The following LAMA2 variants were observed in gnomAD, a reference collection of about 807,000 sequenced individuals.
The protein encoded by LAMA2 is laminin subunit alpha-2.
In LAMA2, 269 loss-of-function variants were observed where a neutral mutation model predicts 364.8. The observed-to-expected ratio is 0.74, with a 90% CI of 0.67 to 0.82. The LOEUF (loss-of-function observed/expected upper bound fraction) is 0.82. LAMA2 is among the 40% of genes least tolerant of loss of function. The pLI is 0.00. For missense variants in LAMA2, 3,807 were observed against 3,873.2 expected (o/e 0.98, Z 0.45); for synonymous variants, 1,379 against 1,370.6 (o/e 1.01, Z -0.14).
chr6:129,402,174 A>AT (rs1780012943), intron 38 of LAMA2, 150 bp from the exon 39 acceptor site: 1 of 602,306 alleles, frequency 1.7e-6, no homozygotes, highest in East Asian at 3.2e-5. Flanking sequence ...GCACCACTGC[A>AT]TTCCAGCCTG....
chr6:129,098,475 A>C (rs952903454), intron 4 of LAMA2, 60 bp downstream of exon 4: 11 of 1,574,670 alleles, frequency 7.0e-6, no homozygotes, highest in Non-Finnish European at 9.6e-6. Context: ...GCCTGTCAGA[A>C]AGACCTGAAT....
At chr6:129,314,831 A>G (rs1339143881) in intron 24 of LAMA2, 33 bp downstream of exon 24, 7 of 1,612,208 alleles carry the variant, frequency 4.3e-6, no homozygotes, top group Non-Finnish European at 5.9e-6. Context: ...ATGTAATGGT[A>G]TAATGTTAGT....
chr6:128,928,051 A>C (rs1048264883), intron 1 of LAMA2, among the ~76,000 whole-genome samples: 2 of 152,238 alleles, frequency 1.3e-5, no homozygotes, highest in Non-Finnish European at 2.9e-5. Flanking sequence ...AGCAGTCATC[A>C]TAAAGGAATC....
intron 1 of LAMA2, among the ~76,000 whole-genome samples, chr6:128,888,393 C>A (rs1776268771): frequency 6.6e-6 from 1 of 152,116 alleles, no homozygotes; most frequent in Non-Finnish European, 1.5e-5. Context: ...TGGAGATGAG[C>A]AGACAGGACT....
chr6:129,375,189 C>T (rs1027178072), intron 34 of LAMA2, among the ~76,000 whole-genome samples: 1 of 151,966 alleles, frequency 6.6e-6, no homozygotes, highest in Non-Finnish European at 1.5e-5. Flanking sequence ...AATCATATAT[C>T]TCTTTCAATG....
intron 2 of LAMA2, among the ~76,000 whole-genome samples, chr6:129,055,176 T>A (rs964852543): frequency 8.1e-6 from 1 of 123,770 alleles, no homozygotes; most frequent in African/African-American, 3.3e-5. Flanking sequence ...ATTATTATTA[T>A]TTATTATTAT....
At position 129,270,643 on chromosome 6, in the gene LAMA2, G is replaced by T. The variant is rs774255539; in HGVS notation, c.2342G>T (p.Gly781Val). ...GECLNCKDHTGGPYCDKCLPG... is the reference protein window; with the variant it reads ...GECLNCKDHTVGPYCDKCLPG... ...TCTCAGAACTGTAAGGATCACACAG[G>T]TGGCCCATATTGTGATAAATGTCTT... The change falls in exon 17 of 65, where the codon GGT becomes GTT. Residue 781 changes from glycine (G) to valine (V), a missense_variant. Transcript: ENST00000421865. 1 of 1,612,904 alleles carries T rather than the reference G, an allele frequency of 6.2e-7. No homozygotes were observed. Among genetic ancestry groups the T allele is most frequent in the South Asian group, 1.1e-5 (1 of 91,048 alleles).
chr6:129,116,618 T>C (rs143503987), intron 4 of LAMA2, among the ~76,000 whole-genome samples: 40 of 152,134 alleles, frequency 2.6e-4, no homozygotes, highest in African/African-American at 8.9e-4. Context: ...ATTCATGTTA[T>C]AGTCACAGAT....
intron 51 of LAMA2, among the ~76,000 whole-genome samples, chr6:129,470,082 T>C (rs1783737050): frequency 6.6e-6 from 1 of 151,848 alleles, no homozygotes; most frequent in African/African-American, 2.4e-5. Context: ...AATTATAGCA[T>C]GTTAATTATT....
intron 12 of LAMA2, among the ~76,000 whole-genome samples, chr6:129,215,791 G>C (rs192514820): frequency 1.4e-4 from 22 of 152,122 alleles, no homozygotes; most frequent in African/African-American, 4.3e-4. Flanking sequence ...ATATGTAATA[G>C]GAACTGAATA....
intron 40 of LAMA2, among the ~76,000 whole-genome samples, chr6:129,421,602 G>C (rs551378428): frequency 3.3e-5 from 5 of 152,042 alleles, no homozygotes; most frequent in Admixed American, 2.6e-4. Context: ...TGCTGGAAAA[G>C]GTTCTCTCCA....
chr6:128,955,478 A>G (rs1781084084), intron 1 of LAMA2, among the ~76,000 whole-genome samples: 1 of 152,002 alleles, frequency 6.6e-6, no homozygotes. Context: ...TTTTCGTTAT[A>G]GATTCCCTCG....
intron 27 of LAMA2, among the ~76,000 whole-genome samples, chr6:129,317,478 T>C (rs773793569): frequency 3.3e-5 from 5 of 152,168 alleles, no homozygotes; most frequent in Non-Finnish European, 4.4e-5. Context: ...CTTTTCTGAT[T>C]GATGTAGAGA....
intron 22 of LAMA2, among the ~76,000 whole-genome samples, chr6:129,305,940 A>G: frequency 6.6e-6 from 1 of 152,004 alleles, no homozygotes; most frequent in East Asian, 1.9e-4. Flanking sequence ...CTAGGAATAT[A>G]CATCTTTAAC....
intron 4 of LAMA2, among the ~76,000 whole-genome samples, chr6:129,100,525 G>T (rs1014487588): frequency 6.6e-6 from 1 of 152,138 alleles, no homozygotes; most frequent in Admixed American, 6.5e-5. Flanking sequence ...GAATAGACAG[G>T]TGATATCCTC....
At chr6:129,139,866 G>A (rs1778017506) in intron 4 of LAMA2, among the ~76,000 whole-genome samples, 1 of 151,992 alleles carries the variant, frequency 6.6e-6, no homozygotes, top group Admixed American at 6.6e-5. Flanking sequence ...TGTTTTACCT[G>A]TTTCATTGGC....
chr6:129,500,956 T>A (rs187107161), intron 58 of LAMA2, among the ~76,000 whole-genome samples: 1 of 152,310 alleles, frequency 6.6e-6, no homozygotes, highest in East Asian at 1.9e-4. Context: ...ATGTAATTGT[T>A]TCCTAATTCC....
chr6:128,933,697 A>G (rs996724667), intron 1 of LAMA2, among the ~76,000 whole-genome samples: 2 of 152,086 alleles, frequency 1.3e-5, no homozygotes, highest in South Asian at 2.1e-4. Context: ...TTTTTAATAT[A>G]CCTGTTGGCC....
chr6:129,054,030 C>G (rs1788287354), intron 2 of LAMA2, among the ~76,000 whole-genome samples: 1 of 152,156 alleles, frequency 6.6e-6, no homozygotes, highest in Admixed American at 6.5e-5. Context: ...TTAGAAGATA[C>G]ATACTTTTAA....
Sources: gnomAD v4.1 joint callset for allele counts (sites outside exome capture counted in the v4.1 genomes callset) on GRCh38, gnomAD v4.1.1 for gene constraint, MANE v1.5 for transcripts, NCBI Gene and HGNC (gene_info 2026-07-23, HGNC 2026-07-21) for gene names.